The following AFF2 variants were observed in gnomAD, a reference collection of about 807,000 sequenced individuals.
AFF2 encodes the protein AF4/FMR2 family member 2.
Under a neutral mutation model 76.9 loss-of-function variants are expected in AFF2, and 14 were observed. The observed-to-expected ratio is 0.18, with a 90% CI of 0.12 to 0.28. AFF2 has a LOEUF of 0.28. AFF2 is among the 10% of genes least tolerant of loss of function. The pLI is 1.00. For synonymous variants in AFF2, 398 were observed against 366.7 expected (o/e 1.09, Z -0.98); for missense variants, 868 against 1,001.1 (o/e 0.87, Z 1.79).
intron 9 of AFF2, among the ~76,000 whole-genome samples, chrX:148,921,529 C>T (rs950945289): frequency 2.7e-5 from 3 of 112,112 alleles, no homozygotes; most frequent in Admixed American, 9.4e-5. Flanking sequence ...GTGTCTGTTT[C>T]TTTCACTTAG....
At chrX:148,887,465 A>G (rs1426305570) in intron 8 of AFF2, among the ~76,000 whole-genome samples, 1 of 112,623 alleles carries the variant, frequency 8.9e-6, no homozygotes, top group Non-Finnish European at 1.9e-5. Flanking sequence ...GTAGAATTCA[A>G]TAATAATTGA....
chrX:148,692,237 T>A (rs1557260821), intron 3 of AFF2, among the ~76,000 whole-genome samples: 1 of 112,184 alleles, frequency 8.9e-6, no homozygotes, highest in Non-Finnish European at 1.9e-5. Flanking sequence ...CATCATCATA[T>A]CATGACCATT....
At chrX:148,690,126 A>T (rs970343231) in intron 3 of AFF2, among the ~76,000 whole-genome samples, 1 of 112,254 alleles carries the variant, frequency 8.9e-6, no homozygotes, top group East Asian at 2.8e-4. Flanking sequence ...GCAGACCCAG[A>T]CTTTTCAGGT....
At chrX:148,624,403 AG>A (rs1189554439) in intron 1 of AFF2, among the ~76,000 whole-genome samples, 3 of 112,284 alleles carry the variant, frequency 2.7e-5, no homozygotes, top group African/African-American at 9.7e-5. Flanking sequence ...AAAGCAATGC[AG>A]CCATATTACC....
At chrX:148,834,721 T>C (rs1191988546) in intron 4 of AFF2, among the ~76,000 whole-genome samples, 1 of 111,247 alleles carries the variant, frequency 9.0e-6, no homozygotes, top group Non-Finnish European at 1.9e-5. Flanking sequence ...TGTCTTATCT[T>C]AGGAATAGCA....
At chrX:148,696,623 A>G (rs1425864345) in intron 3 of AFF2, among the ~76,000 whole-genome samples, 1 of 111,385 alleles carries the variant, frequency 9.0e-6, no homozygotes, top group Non-Finnish European at 1.9e-5. Flanking sequence ...CAGTTATCCA[A>G]AGGGAAATGG....
intron 1 of AFF2, among the ~76,000 whole-genome samples, chrX:148,530,667 C>T (rs2052719630): frequency 9.0e-6 from 1 of 110,951 alleles, no homozygotes; most frequent in Non-Finnish European, 1.9e-5. Flanking sequence ...GTGCTGAGGA[C>T]TAACACAAAA....
intron 1 of AFF2, among the ~76,000 whole-genome samples, chrX:148,647,527 T>C (rs1474475802): frequency 9.0e-6 from 1 of 111,519 alleles, no homozygotes; most frequent in Non-Finnish European, 1.9e-5. Flanking sequence ...CATTTTGATA[T>C]AAGGAAACTA....
At chrX:148,778,365 A>G (rs1603299247) in intron 3 of AFF2, among the ~76,000 whole-genome samples, 1 of 111,800 alleles carries the variant, frequency 8.9e-6, no homozygotes, top group Admixed American at 9.5e-5. Flanking sequence ...TGACGGTGTC[A>G]TAGAATGAGT....
chrX:148,530,593 C>CTTTTT (rs111769731), intron 1 of AFF2, among the ~76,000 whole-genome samples: 1 of 104,045 alleles, frequency 9.6e-6, no homozygotes, highest in Non-Finnish European at 2.0e-5. Context: ...AAATTTGCTC[C>CTTTTT]TTTTTTTTTT....
At chrX:148,840,953 A>G (rs1359915291) in intron 5 of AFF2, among the ~76,000 whole-genome samples, 1 of 112,680 alleles carries the variant, frequency 8.9e-6, no homozygotes, top group Non-Finnish European at 1.9e-5. Flanking sequence ...TGTGAAATTC[A>G]GTTTAACATT....
At chrX:148,938,542 G>GAAAGTAAA (rs2071798526) in intron 9 of AFF2, among the ~76,000 whole-genome samples, 1 of 112,009 alleles carries the variant, frequency 8.9e-6, no homozygotes, top group Non-Finnish European at 1.9e-5. Flanking sequence ...CGTATTAAAG[G>GAAAGTAAA]AAAGTAAAAC....
intron 7 of AFF2, among the ~76,000 whole-genome samples, chrX:148,859,437 G>A (rs1202141283): frequency 9.0e-6 from 1 of 110,617 alleles, no homozygotes; most frequent in East Asian, 2.8e-4. Flanking sequence ...AAAAATGCTT[G>A]GAACTCTGTT....
chrX:148,682,641 C>T (rs782115776), intron 3 of AFF2, among the ~76,000 whole-genome samples: 1 of 111,005 alleles, frequency 9.0e-6, no homozygotes, highest in Admixed American at 9.6e-5. Flanking sequence ...TCAAGCAAGC[C>T]TAAGGACATA....
intron 7 of AFF2, among the ~76,000 whole-genome samples, chrX:148,848,197 T>C (rs1478715205): frequency 9.0e-6 from 1 of 110,910 alleles, no homozygotes; most frequent in African/African-American, 3.3e-5. Flanking sequence ...CCACAAGAAA[T>C]TATACCGCTC....
At chrX:148,726,244 T>C (rs781924543) in intron 3 of AFF2, among the ~76,000 whole-genome samples, 4 of 112,102 alleles carry the variant, frequency 3.6e-5, no homozygotes, top group Non-Finnish European at 7.5e-5. Flanking sequence ...GCAATATTTC[T>C]TTCCAGGAAA....
intron 1 of AFF2, among the ~76,000 whole-genome samples, chrX:148,628,231 T>C (rs1170683281): frequency 9.0e-6 from 1 of 111,054 alleles, no homozygotes; most frequent in African/African-American, 3.3e-5. Context: ...AATTGGACAC[T>C]TAAAAATGGT....
intron 1 of AFF2, among the ~76,000 whole-genome samples, chrX:148,548,725 G>A (rs1031012076): frequency 4.5e-5 from 5 of 112,222 alleles, no homozygotes; most frequent in East Asian, 2.8e-4. Context: ...GTCAGCCACC[G>A]CACCTGGTCT....
chrX:148,842,874 A>G lies in AFF2; in HGVS notation c.1174-92A>G, dbSNP rs183097041. The G allele has an allele frequency of 4.6e-3, 3,273 of 704,803 alleles. 13 individuals are homozygous for G. The highest frequency in any genetic ancestry group is 4.5e-3 in the Non-Finnish European group (2,208 of 490,534). 58.1% of individuals were successfully genotyped at this position (704,803 alleles called of 1,213,427 possible). ...CAGCAGCTTCCTATTTGCAAACATT[A>G]GTCAACTATATCTTCAGCAATAATT... On this transcript the variant is annotated intron_variant, in intron 5 of 20. Coordinates refer to ENST00000370460, the MANE Select transcript of AFF2 (RefSeq NM_002025.4).
Sources: allele counts gnomAD v4.1 joint callset (sites outside exome capture counted in the v4.1 genomes callset), GRCh38; gene constraint gnomAD v4.1.1; transcripts MANE v1.5; gene names NCBI Gene and HGNC (gene_info 2026-07-23, HGNC 2026-07-21).